ANO3: variants seen among roughly 807,000 people sequenced by gnomAD.
The protein encoded by ANO3 is anoctamin-3.
Under a neutral mutation model 144.8 loss-of-function variants are expected in ANO3, and 99 were observed. The ratio of observed to expected loss-of-function variants is 0.68; its 90% confidence interval spans 0.58 to 0.81. The LOEUF (loss-of-function observed/expected upper bound fraction) is 0.81, where lower values mean the gene tolerates loss of function less well. Among genes scored for constraint, ANO3 ranks in the 30% least tolerant of loss-of-function variants. The pLI, the probability that ANO3 is intolerant of heterozygous loss-of-function variation, is 0.00. For synonymous variants in ANO3, 414 were observed against 392.6 expected (o/e 1.05, Z -0.64); for missense variants, 905 against 1,202.2 (o/e 0.75, Z 3.66).
intron 14 of ANO3, among the ~76,000 whole-genome samples, chr11:26,587,215 G>A (rs187173797): frequency 4.6e-5 from 7 of 152,260 alleles, no homozygotes; most frequent in South Asian, 4.1e-4. Flanking sequence ...CAAATCTGGC[G>A]GATGACTTAG....
chr11:26,232,379 A>G (rs760765574), intron 1 of ANO3, among the ~76,000 whole-genome samples: 1 of 152,166 alleles, frequency 6.6e-6, no homozygotes, highest in Non-Finnish European at 1.5e-5. Flanking sequence ...AACAGAGTCA[A>G]GAGGAGAAAG....
At chr11:26,235,211 T>C (rs1201366143) in intron 1 of ANO3, among the ~76,000 whole-genome samples, 1 of 152,196 alleles carries the variant, frequency 6.6e-6, no homozygotes, top group Non-Finnish European at 1.5e-5. Flanking sequence ...TTTAACCAGG[T>C]ATCTGAGTAT....
intron 4 of ANO3, among the ~76,000 whole-genome samples, chr11:26,495,926 T>C (rs113820904): frequency 0.02 from 3,107 of 152,326 alleles, 63 homozygotes; most frequent in Non-Finnish European, 0.028. Flanking sequence ...CTAATTTCCA[T>C]GTGTATGGCC....
At chr11:26,243,920 C>T (rs1305916974) in intron 1 of ANO3, among the ~76,000 whole-genome samples, 1 of 151,900 alleles carries the variant, frequency 6.6e-6, no homozygotes, top group Non-Finnish European at 1.5e-5. Flanking sequence ...GAGTTCGATA[C>T]CAGCCTGGTC....
At chr11:26,341,185 G>C (rs141321138) in intron 1 of ANO3, among the ~76,000 whole-genome samples, 2 of 149,708 alleles carry the variant, frequency 1.3e-5, no homozygotes, top group Non-Finnish European at 3.0e-5. Flanking sequence ...GGGCTTTGCT[G>C]TATAGCCTCA....
chr11:26,449,472 G>GTCTCTCTC (rs144315408), intron 3 of ANO3, among the ~76,000 whole-genome samples: 6 of 140,516 alleles, frequency 4.3e-5, no homozygotes, highest in Admixed American at 1.4e-4. Context: ...CTGTCTGTCT[G>GTCTCTCTC]TCTCTCTCTC....
intron 1 of ANO3, among the ~76,000 whole-genome samples, chr11:26,364,403 C>T (rs1196719953): frequency 6.6e-5 from 10 of 152,184 alleles, no homozygotes; most frequent in African/African-American, 2.4e-4. Context: ...AGGCCCATCC[C>T]TCTAAATCTC....
chr11:26,364,174 G>T (rs773287441), intron 1 of ANO3, among the ~76,000 whole-genome samples: 1 of 152,240 alleles, frequency 6.6e-6, no homozygotes, highest in East Asian at 1.9e-4. Flanking sequence ...CCTGGGTGCC[G>T]TTCCAAATCA....
At chr11:26,572,198 C>T (rs1023192277) in intron 14 of ANO3, 23 of 985,442 alleles carry the variant, frequency 2.3e-5, no homozygotes, top group East Asian at 1.1e-4. Context: ...GTGGGGCTGG[C>T]TGTATCTTGC....
intron 1 of ANO3, among the ~76,000 whole-genome samples, chr11:26,407,047 G>GGTGTGT (rs372391349): frequency 8.1e-4 from 88 of 108,388 alleles, no homozygotes; most frequent in East Asian, 2.6e-3. Context: ...TATATATATG[G>GGTGTGT]GTGTGTGTGT....
intron 6 of ANO3, among the ~76,000 whole-genome samples, chr11:26,522,951 G>A (rs1862142955): frequency 6.6e-6 from 1 of 152,076 alleles, no homozygotes; most frequent in Admixed American, 6.5e-5. Context: ...ATGTTAGTCC[G>A]TTTTCATACT....
chr11:26,345,410 G>T (rs548017828), intron 1 of ANO3, among the ~76,000 whole-genome samples: 1 of 152,204 alleles, frequency 6.6e-6, no homozygotes, highest in South Asian at 2.1e-4. Context: ...AAAAATTTTA[G>T]GGTATCGTGG....
intron 14 of ANO3, among the ~76,000 whole-genome samples, chr11:26,588,953 A>G (rs1851364881): frequency 6.6e-6 from 1 of 152,184 alleles, no homozygotes; most frequent in Non-Finnish European, 1.5e-5. Flanking sequence ...TGCAGACAAT[A>G]ATTTTCGGCT....
chr11:26,463,644 T>C (rs72889128), intron 4 of ANO3, among the ~76,000 whole-genome samples: 4 of 151,830 alleles, frequency 2.6e-5, no homozygotes, highest in African/African-American at 4.8e-5. Flanking sequence ...TAGCAAAAGA[T>C]TGAGAATACC....
At chr11:26,632,247 T>C (rs1173796161) in intron 18 of ANO3, among the ~76,000 whole-genome samples, 1 of 149,056 alleles carries the variant, frequency 6.7e-6, no homozygotes, top group Non-Finnish European at 1.5e-5. Flanking sequence ...CATCCTTCTT[T>C]AAAAATATGT....
intron 1 of ANO3, among the ~76,000 whole-genome samples, chr11:26,221,969 G>T (rs937630358): frequency 5.9e-5 from 9 of 152,114 alleles, no homozygotes; most frequent in East Asian, 1.9e-4. Flanking sequence ...ACCATATCAT[G>T]CTGCCCCTGA....
chr11:26,379,823 G>A (rs1403596627), intron 1 of ANO3, among the ~76,000 whole-genome samples: 1 of 151,954 alleles, frequency 6.6e-6, no homozygotes, highest in Admixed American at 6.6e-5. Flanking sequence ...GAAAGATCTG[G>A]CATTTATTGG....
chr11:26,289,866 A>G (rs150997636), intron 1 of ANO3, among the ~76,000 whole-genome samples: 2,923 of 151,618 alleles, frequency 0.019, 86 homozygotes, highest in African/African-American at 0.063. Flanking sequence ...CATCAGGGAT[A>G]TTGGTCTAAA....
intron 1 of ANO3, among the ~76,000 whole-genome samples, chr11:26,354,581 C>A (rs1209285615): frequency 6.6e-6 from 1 of 152,218 alleles, no homozygotes; most frequent in Non-Finnish European, 1.5e-5. Context: ...GCCCTGTCCC[C>A]AGAAGCAGCC....
Sources: gnomAD v4.1 joint callset for allele counts (sites outside exome capture counted in the v4.1 genomes callset) on GRCh38, gnomAD v4.1.1 for gene constraint, MANE v1.5 for transcripts, NCBI Gene and HGNC (gene_info 2026-07-23, HGNC 2026-07-21) for gene names.